The following SH2B3 variants were observed in gnomAD, a reference collection of about 807,000 sequenced individuals.
SH2B3 encodes SH2B adapter protein 3.
Under a neutral mutation model 51.9 loss-of-function variants are expected in SH2B3, and 43 were observed. The observed-to-expected ratio is 0.83, with a 90% CI of 0.65 to 1.07. SH2B3 has a LOEUF of 1.07. Ranked by LOEUF, SH2B3 falls within the 50% of genes least tolerant of loss-of-function variation. SH2B3 has a pLI of 0.00. For synonymous variants in SH2B3, 396 were observed against 376.0 expected (o/e 1.05, Z -0.62); for missense variants, 952 against 834.3 (o/e 1.14, Z -1.74).
intron 2 of SH2B3, chr12:111,443,751 CA>C (rs1873657487): frequency 6.6e-6 from 1 of 152,198 alleles, no homozygotes; most frequent in South Asian, 2.1e-4. Context: ...GGCCTGTTAA[CA>C]GCTGTGCGAG....
Position 111,418,462 on chromosome 12 carries a change from C to T in SH2B3, c.317C>T (p.Pro106Leu). Reference sequence around the variant, plus strand: ...GCCAAGGCCGAGGCGTCCCCGGAGCCAGGCCCCGGCCCCGCCGCCCCTGGC... The same window carrying T: ...GCCAAGGCCGAGGCGTCCCCGGAGCTAGGCCCCGGCCCCGCCGCCCCTGGC... ...PPAKAEASPEPGPGPAAPGLP... is the reference protein window; with the variant it reads ...PPAKAEASPELGPGPAAPGLP... Residue 106 changes from proline to leucine, a missense_variant, in exon 2 of 8, where the codon CCA (proline) becomes CTA (leucine). Pro to Leu is a moderately conservative substitution (Grantham distance 98). Transcript: ENST00000341259. This position sits in a 1 kb window ranked among gnomAD's most constrained non-coding sequence, Gnocchi z 6.7. 1 of 1,375,018 alleles carries T rather than the reference C, an allele frequency of 7.3e-7. No homozygotes were observed. Among genetic ancestry groups the T allele is most frequent in the Non-Finnish European group, 9.3e-7 (1 of 1,070,744 alleles). The allele number at this position is 1,375,018 out of a possible 1,614,324, so 85.2% of individuals were successfully genotyped here.
chr12:111,425,555 A>C (rs1041898811), intron 2 of SH2B3, among the ~76,000 whole-genome samples: 2 of 152,142 alleles, frequency 1.3e-5, no homozygotes, highest in Admixed American at 1.3e-4. Flanking sequence ...GGGAACAGGG[A>C]AAGGTGAGAC....
chr12:111,442,145 C>T (rs1030804497), intron 2 of SH2B3, among the ~76,000 whole-genome samples: 10 of 152,196 alleles, frequency 6.6e-5, no homozygotes, highest in African/African-American at 2.2e-4. Flanking sequence ...GCAGCATCCA[C>T]TTCAGGTTCT....
At chr12:111,432,212 C>A (rs990115817) in intron 2 of SH2B3, among the ~76,000 whole-genome samples, 3 of 151,778 alleles carry the variant, frequency 2.0e-5, no homozygotes, top group Non-Finnish European at 2.9e-5. Context: ...CCACCACGCC[C>A]GGCTAATTTT....
At chr12:111,441,437 G>T (rs1873397759) in intron 2 of SH2B3, among the ~76,000 whole-genome samples, 1 of 152,074 alleles carries the variant, frequency 6.6e-6, no homozygotes. Flanking sequence ...GGCAGAGTTG[G>T]GACTCAAGCA....
intron 2 of SH2B3, among the ~76,000 whole-genome samples, chr12:111,428,939 C>G (rs914152466): frequency 3.3e-5 from 5 of 151,060 alleles, no homozygotes; most frequent in African/African-American, 1.2e-4. Flanking sequence ...CCCATGCCTC[C>G]GGGTGTGGGA....
At chr12:111,420,589 G>C (rs1871466361) in intron 2 of SH2B3, among the ~76,000 whole-genome samples, 1 of 152,100 alleles carries the variant, frequency 6.6e-6, no homozygotes, top group Admixed American at 6.5e-5. Context: ...AAACCGATGT[G>C]ATACTGGCCC....
Position 111,448,174 on chromosome 12 carries a change from G to A in SH2B3, c.1600G>A (p.Glu534Lys). 2 of 1,614,136 alleles carry A rather than the reference G, an allele frequency of 1.2e-6. No homozygotes were observed. The highest frequency in any genetic ancestry group is 1.7e-6 in the Non-Finnish European group (2 of 1,180,020). Residue 534 changes from glutamate to lysine, a missense_variant, in exon 8 of 8, where the codon GAA becomes AAA. Glu to Lys is a moderately conservative substitution (Grantham distance 56, BLOSUM62 1). Coordinates refer to ENST00000341259, the MANE Select transcript of SH2B3 (RefSeq NM_005475.3). ...CTTCCACCTGGTGCCTTCGCCCGAA[G>A]AACTGGCCAACAGCCTGCAGCACCT... is the stretch of plus-strand genomic sequence containing the variant. ...QIFHLVPSPE[E>K]LANSLQHLEH...
chr12:111,429,021 GGAGGAGGAGGAGGAGGAGGAGGAGGAA>G lies in SH2B3; in HGVS notation c.732+10167_732+10193del, dbSNP rs1565977364. ...TCCTCTCGGGGCAGGAGTGCGAGGA[GGAGGAGGAGGAGGAGGAGGAGGAGGAA>G]GAGGAGGAGGAGGAGGAGGAGGGAC... On this transcript the variant is annotated intron_variant, in intron 2 of 7. Coordinates refer to ENST00000341259, the MANE Select transcript of SH2B3 (RefSeq NM_005475.3). This position sits in a 1 kb window ranked among gnomAD's most constrained non-coding sequence, Gnocchi z 4.4. Among the ~76,000 whole-genome samples the G allele has an allele frequency of 4.0e-5, 6 of 148,160 alleles. No individual in the cohort carries two copies. In the South Asian group the frequency reaches 6.5e-4, roughly 16 times the overall value.
rs765592222 is a variant in SH2B3, at chr12:111,418,556, C to G, written c.411C>G (p.His137Gln). Reference protein sequence around the residue: ...PRPPGPCSFQHFRRSLRHIFR... With the variant: ...PRPPGPCSFQQFRRSLRHIFR... Reference sequence around the variant, plus strand: ...CGCCCGGGCCCTGCTCCTTCCAGCACTTTCGCCGCAGCCTCCGCCACATCT... The same window carrying G: ...CGCCCGGGCCCTGCTCCTTCCAGCAGTTTCGCCGCAGCCTCCGCCACATCT... Residue 137 changes from histidine to glutamine, a missense_variant, in exon 2 of 8, where the codon CAC (histidine) becomes CAG (glutamine). His to Gln is a conservative substitution (Grantham distance 24). Transcript: ENST00000341259. The surrounding 1 kb of genome is among the most constrained non-coding windows in gnomAD (Gnocchi z 6.7). The G allele has an allele frequency of 5.4e-6, 8 of 1,470,052 alleles. No individual in the cohort carries two copies. Among genetic ancestry groups the G allele is most frequent in the Non-Finnish European group, 7.2e-6 (8 of 1,116,046 alleles). 91.1% of individuals were successfully genotyped at this position (1,470,052 alleles called of 1,614,324 possible). A position where few individuals can be genotyped will look rare whatever the true frequency, so the allele number is the denominator to read the frequency against.
chr12:111,446,866 G>C lies in SH2B3; in HGVS notation c.834+12G>C, dbSNP rs761268210. 4.4e-6 allele frequency: 7 copies of C among 1,606,266 alleles called. No individual in the cohort carries two copies. Among genetic ancestry groups the C allele is most frequent in the Admixed American group, 3.3e-5 (2 of 59,836 alleles). On this transcript the variant is annotated intron_variant, in intron 3 of 7. Transcript: ENST00000341259. ...CCTTTGTGCTGAAGGTGAGTGACAAGGCTTTTCACACCCTGGGGCAATACA... is the reference window on the plus strand; with the variant it reads ...CCTTTGTGCTGAAGGTGAGTGACAACGCTTTTCACACCCTGGGGCAATACA...
chr12:111,425,842 G>A (rs1593047860), intron 2 of SH2B3, among the ~76,000 whole-genome samples: 2 of 152,288 alleles, frequency 1.3e-5, no homozygotes, highest in East Asian at 3.9e-4. Context: ...AAGGACAGGG[G>A]AGCAGTGTGT....
At chr12:111,417,359 G>T (rs1484217022) in intron 1 of SH2B3, among the ~76,000 whole-genome samples, 1 of 152,200 alleles carries the variant, frequency 6.6e-6, no homozygotes, top group Non-Finnish European at 1.5e-5. Flanking sequence ...GAAGTGACCA[G>T]AGTGGGCATC....
Position 111,446,611 on chromosome 12 carries a change from T to C in SH2B3, c.733-142T>C, listed in dbSNP as rs28362508. On this transcript the variant is annotated intron_variant, in intron 2 of 7. Coordinates refer to ENST00000341259, the MANE Select transcript of SH2B3 (RefSeq NM_005475.3). ...TAGGGGAAGGCACCCTGGACCTCAC[T>C]ACAGGCTCAGAGCCTGCCCAGCAAC... 0.2 allele frequency: 115,317 copies of C among 565,604 alleles called. 12,557 individuals carry two copies. Among genetic ancestry groups the C allele is most frequent in the Middle Eastern group, 0.3 (734 of 2,476 alleles). The allele number at this position is 565,604 out of a possible 1,614,324, so 35.0% of individuals were successfully genotyped here.
In SH2B3 at chr12:111,418,165, A is replaced by AGCCCTCCTCGCCCTCTTCCCAG; in HGVS notation, c.39_40insCAGGCCCTCCTCGCCCTCTTCC (p.Ala14GlnfsTer25). 1 of 1,537,500 alleles carries AGCCCTCCTCGCCCTCTTCCCAG rather than the reference A, an allele frequency of 6.5e-7. No homozygotes were observed. On this transcript the variant is annotated frameshift_variant, in exon 2 of 8. Coordinates refer to ENST00000341259, the MANE Select transcript of SH2B3 (RefSeq NM_005475.3). LOFTEE classifies it high-confidence loss of function. This position sits in a 1 kb window ranked among gnomAD's most constrained non-coding sequence, Gnocchi z 6.7. The stretch of plus-strand genomic sequence containing the variant: ...TCCGCCATGAACGGGCCTGCCCTGC[A>AGCCCTCCTCGCCCTCTTCCCAG]GCCCTCCTCGCCCTCTTCCGCGCCC...
In SH2B3 at chr12:111,406,582, G is replaced by A. The variant is rs1416924100; in HGVS notation, c.-28+305G>A. On this transcript the variant is annotated intron_variant, in intron 1 of 7. Transcript: ENST00000341259. The surrounding 1 kb of genome is among the most constrained non-coding windows in gnomAD (Gnocchi z 5.7). ...CCACCCTACGGTAGCCTCGCCGGTT[G>A]GGGGCGGCCCTCCCCTCAACTTGTG... 6.6e-6 allele frequency among the ~76,000 whole-genome samples: 1 copy of A among 152,196 alleles called. No individual in the cohort carries two copies. Among genetic ancestry groups the A allele is most frequent in the Non-Finnish European group, 1.5e-5 (1 of 68,030 alleles).
chr12:111,422,558 G>T (rs1329837663), intron 2 of SH2B3, among the ~76,000 whole-genome samples: 2 of 150,658 alleles, frequency 1.3e-5, no homozygotes, highest in African/African-American at 4.9e-5. Flanking sequence ...ATGAAAAGCA[G>T]TTTTGTTTTT....
chr12:111,433,352 G>GA (rs929868900), intron 2 of SH2B3, among the ~76,000 whole-genome samples: 100 of 150,844 alleles, frequency 6.6e-4, no homozygotes, highest in African/African-American at 2.1e-3. Context: ...CTCTGACTCA[G>GA]AAAAAAAAAT....
At chr12:111,424,598 G>C (rs113032104) in intron 2 of SH2B3, among the ~76,000 whole-genome samples, 6 of 152,260 alleles carry the variant, frequency 3.9e-5, no homozygotes, top group African/African-American at 1.2e-4. Context: ...CTGGGGCTCT[G>C]TCACAGGCTT....
Sources: allele counts gnomAD v4.1 joint callset (sites outside exome capture counted in the v4.1 genomes callset), GRCh38; gene constraint gnomAD v4.1.1; non-coding constraint Gnocchi (gnomAD v3.1); transcripts MANE v1.5; gene names NCBI Gene and HGNC (gene_info 2026-07-23, HGNC 2026-07-21).